Variants in ZNF608 observed in about 807,000 individuals in gnomAD.
ZNF608 encodes the protein zinc finger protein 608, also known as renal carcinoma antigen NY-REN-36.
ZNF608 carries 12 observed loss-of-function variants against 109.0 expected under a neutral mutation model. The observed-to-expected ratio is 0.11, with a 90% confidence interval of 0.07 to 0.18. The LOEUF (loss-of-function observed/expected upper bound fraction) is 0.18. ZNF608 is among the 10% of genes least tolerant of loss of function. The pLI, the probability that ZNF608 is intolerant of heterozygous loss-of-function variation, is 1.00. For missense variants in ZNF608, 1,707 were observed against 1,879.3 expected (o/e 0.91, Z 1.70); for synonymous variants, 732 against 717.4 (o/e 1.02, Z -0.33).
In ZNF608 at chr5:124,693,974, C is replaced by CTTTTTTTT. The variant is rs746610497; in HGVS notation, c.1162+7032_1162+7039dup. ...GTGAAGCTGGTAACATTTCATTAAT[C>CTTTTTTTT]TTTTTTTTTTTTTTTTTTTGAGAGA... On this transcript the variant is annotated intron_variant, in intron 3 of 9. Transcript: ENST00000513986. Among the ~76,000 whole-genome samples, 259 of 60,944 alleles carry CTTTTTTTT rather than the reference C, an allele frequency of 4.2e-3. 77 individuals carry two copies. The highest frequency in any genetic ancestry group is 4.8e-3 in the African/African-American group (63 of 13,218). 40.0% of individuals were successfully genotyped at this position (60,944 alleles called of 152,430 possible). A position where few individuals can be genotyped will look rare whatever the true frequency, so the allele number is the denominator to read the frequency against.
At chr5:124,725,233 A>G (rs1013796641) in intron 2 of ZNF608, among the ~76,000 whole-genome samples, 3 of 151,370 alleles carry the variant, frequency 2.0e-5, no homozygotes, top group Non-Finnish European at 2.9e-5. Context: ...TCTTTCTACC[A>G]CCTTCTCCTG....
At chr5:124,662,830 G>C (rs201604757) in intron 3 of ZNF608, among the ~76,000 whole-genome samples, 2 of 146,150 alleles carry the variant, frequency 1.4e-5, no homozygotes, top group Non-Finnish European at 1.5e-5. Flanking sequence ...CACACACACA[G>C]ACACACACAC....
chr5:124,638,817 ACTTTAT>A lies in ZNF608; in HGVS notation c.4532+310_4532+315del. ...ATGAAAATAAATGTCTCCATTTGCG[ACTTTAT>A]CTTTAAACATAATAAAACAAAGGGA... On this transcript the variant is annotated intron_variant, in intron 9 of 9. Transcript: ENST00000513986. 76 of 1,113,484 alleles carry A rather than the reference ACTTTAT, an allele frequency of 6.8e-5. No individual in the cohort carries two copies. In the East Asian group the frequency reaches 3.3e-3, roughly 49 times the overall value. The allele number at this position is 1,113,484 out of a possible 1,614,324, so 69.0% of individuals were successfully genotyped here.
intron 3 of ZNF608, 67 bp downstream of exon 3, chr5:124,700,947 C>G: frequency 1.3e-6 from 2 of 1,582,148 alleles, no homozygotes; most frequent in South Asian, 1.2e-5. Flanking sequence ...ATTCTCCTCA[C>G]AGGTGGACAT....
chr5:124,644,808 T>C, intron 5 of ZNF608, 147 bp from the exon 6 acceptor site: 1 of 708,802 alleles, frequency 1.4e-6, no homozygotes, highest in Non-Finnish European at 2.2e-6. Context: ...GACACTGTGC[T>C]AATTGCTTTA....
intron 3 of ZNF608, among the ~76,000 whole-genome samples, chr5:124,694,496 T>A (rs1161232377): frequency 6.6e-6 from 1 of 152,150 alleles, no homozygotes; most frequent in East Asian, 1.9e-4. Flanking sequence ...GTAGCACTTG[T>A]GTACTTCAGA....
At chr5:124,711,584 C>T (rs1753490569) in intron 2 of ZNF608, among the ~76,000 whole-genome samples, 1 of 152,202 alleles carries the variant, frequency 6.6e-6, no homozygotes, top group African/African-American at 2.4e-5. Flanking sequence ...CCAGGCCCTC[C>T]CCTTTAGATG....
At position 124,745,063 on chromosome 5, in the gene ZNF608, C is replaced by T. The variant is rs1212414039; in HGVS notation, c.-74G>A. On this transcript the variant is annotated 5_prime_UTR_variant, in exon 2 of 10. Coordinates refer to ENST00000513986, the MANE Select transcript of ZNF608 (RefSeq NM_020747.3). ...AGATGAGGGGACATTCGTTTATCTC[C>T]GCTGGGCTTTCTCTCAAAGAAAAAA... 1.3e-5 allele frequency: 19 copies of T among 1,513,126 alleles called. No homozygotes were observed. The East Asian group carries it at 2.0e-4, about 16-fold the overall frequency. 93.7% of individuals were successfully genotyped at this position (1,513,126 alleles called of 1,614,324 possible). A position where few individuals can be genotyped will look rare whatever the true frequency, so the allele number is the denominator to read the frequency against.
At chr5:124,649,473 G>C in intron 4 of ZNF608, 137 bp downstream of exon 4, 1 of 617,144 alleles carries the variant, frequency 1.6e-6, no homozygotes, top group East Asian at 3.2e-5. Context: ...ATTTTACTGC[G>C]TTCAATCCTA....
intron 3 of ZNF608, among the ~76,000 whole-genome samples, chr5:124,694,142 A>ATTTTTTTTTTTTTTTT (rs11320730): frequency 7.8e-5 from 5 of 63,938 alleles, no homozygotes; most frequent in African/African-American, 1.1e-4. Context: ...CGCTCGGCTA[A>ATTTTTTTTTTTTTTTT]TTTTTTTTTT....
chr5:124,743,158 A>T (rs1047574130), intron 2 of ZNF608, among the ~76,000 whole-genome samples: 1 of 152,214 alleles, frequency 6.6e-6, no homozygotes, highest in Non-Finnish European at 1.5e-5. Flanking sequence ...ATAGACTTGT[A>T]CAAAGAAGGG....
At chr5:124,655,279 C>T (rs10040793) in intron 3 of ZNF608, among the ~76,000 whole-genome samples, 47,321 of 152,052 alleles carry the variant, frequency 0.31, 7,795 homozygotes, top group East Asian at 0.45. Flanking sequence ...TCCTCAAGAA[C>T]GGGGCAAATG....
rs374100267 is a variant in ZNF608, at chr5:124,674,895, G to A, written c.1163-25198C>T. 2.5e-4 allele frequency among the ~76,000 whole-genome samples: 38 copies of A among 152,220 alleles called. No homozygotes were observed. In the East Asian group the frequency reaches 6.6e-3, roughly 26 times the overall value. On this transcript the variant is annotated intron_variant, in intron 3 of 9. Coordinates refer to ENST00000513986, the MANE Select transcript of ZNF608 (RefSeq NM_020747.3). ...CCCCAAATGCTAGGATTACAGGGGT[G>A]AGCCGCCACACCCAGCCCTAAAATG...
intron 2 of ZNF608, among the ~76,000 whole-genome samples, chr5:124,741,274 A>G (rs1749382787): frequency 6.6e-6 from 1 of 152,068 alleles, no homozygotes; most frequent in Non-Finnish European, 1.5e-5. Context: ...CATGTTTTAC[A>G]TGACTTTGTG....
upstream of ZNF608, chr5:124,746,701 G>A (rs1402113689): frequency 2.0e-6 from 2 of 985,122 alleles, no homozygotes; most frequent in African/African-American, 3.5e-5. Context: ...AAGAAGAAAG[G>A]ACTGAAAATC....
intron 3 of ZNF608, among the ~76,000 whole-genome samples, chr5:124,693,187 A>G (rs896057612): frequency 1.3e-5 from 2 of 152,228 alleles, no homozygotes; most frequent in African/African-American, 4.8e-5. Flanking sequence ...TGCTGTGAGA[A>G]CTTATTTTTT....
intron 2 of ZNF608, among the ~76,000 whole-genome samples, chr5:124,743,064 C>G (rs1749481118): frequency 6.6e-6 from 1 of 152,180 alleles, no homozygotes; most frequent in Admixed American, 6.5e-5. Flanking sequence ...TGTTCCCAAA[C>G]ATTAGTCAAT....
At chr5:124,701,318 C>A in intron 2 of ZNF608, 49 bp from the exon 3 acceptor site, 1 of 1,597,656 alleles carries the variant, frequency 6.3e-7, no homozygotes, top group Non-Finnish European at 8.5e-7. Context: ...CCGTGAATTC[C>A]TTTTAATGCA....
At chr5:124,663,488 G>A (rs571365870) in intron 3 of ZNF608, among the ~76,000 whole-genome samples, 3 of 152,186 alleles carry the variant, frequency 2.0e-5, no homozygotes, top group Non-Finnish European at 4.4e-5. Flanking sequence ...AATGCTTCAA[G>A]TGAGAAAGCA....
Sources: gnomAD v4.1 joint callset for allele counts (sites outside exome capture counted in the v4.1 genomes callset) on GRCh38, gnomAD v4.1.1 for gene constraint, MANE v1.5 for transcripts, NCBI Gene and HGNC (gene_info 2026-07-23, HGNC 2026-07-21) for gene names.